TMEM67: variants seen among roughly 807,000 people sequenced by gnomAD.
TMEM67 encodes transmembrane protein 67, also known as meckelin.
Under a neutral mutation model 136.6 loss-of-function variants are expected in TMEM67, and 124 were observed. The observed-to-expected ratio is 0.91, with a 90% CI of 0.78 to 1.05. The LOEUF is 1.05. Ranked by LOEUF, TMEM67 falls within the 50% of genes least tolerant of loss-of-function variation. The pLI, the probability that TMEM67 is intolerant of heterozygous loss-of-function variation, is 0.00. For missense variants in TMEM67, 1,107 were observed against 1,178.4 expected (o/e 0.94, Z 0.89); for synonymous variants, 364 against 390.5 (o/e 0.93, Z 0.80).
chr8:93,781,685 T>C lies in TMEM67; in HGVS notation c.1006T>C (p.Ser336Pro). The C allele has an allele frequency of 6.2e-7, 1 of 1,608,380 alleles. No homozygotes were observed. The highest frequency in any genetic ancestry group is 8.5e-7 in the Non-Finnish European group (1 of 1,176,682). The change falls in exon 10 of 28, where the codon TCC becomes CCC. Residue 336 changes from serine (S) to proline (P), a missense_variant. Physicochemically the swap from Ser to Pro is moderately conservative, Grantham distance 74 (BLOSUM62 -1). This residue lies in a region of TMEM67 where 925 missense variants were observed against 1,002.4 expected (regional missense o/e 0.92). Transcript: ENST00000453321. The part of the protein sequence containing the change: ...QNTKLKFVAA[S>P]YDIRGNFLKW... ...TACAAAACTGAAGTTTGTTGCTGCT[T>C]CCTATGATATAAGAGGAAATTTTCT...
chr8:93,805,495 G>A (rs1815100758), intron 23 of TMEM67, among the ~76,000 whole-genome samples: 2 of 151,932 alleles, frequency 1.3e-5, no homozygotes, highest in African/African-American at 2.4e-5. Context: ...GAGGCAGAAT[G>A]GCATGAACCT....
chr8:93,765,902 A>G (rs1222903176), intron 6 of TMEM67, among the ~76,000 whole-genome samples: 1 of 152,198 alleles, frequency 6.6e-6, no homozygotes, highest in African/African-American at 2.4e-5. Context: ...TGTTCTGTAT[A>G]GGATGCAGTA....
the TMEM67 span, among the ~76,000 whole-genome samples, chr8:93,830,062 C>A: frequency 6.6e-6 from 1 of 152,190 alleles, no homozygotes; most frequent in African/African-American, 2.4e-5. Flanking sequence ...CAAGGAGAAC[C>A]TGGACAGACA....
At chr8:93,765,381 A>T in intron 4 of TMEM67, 25 bp from the exon 5 acceptor site, 1 of 1,586,722 alleles carries the variant, frequency 6.3e-7, no homozygotes, top group Non-Finnish European at 8.6e-7. Flanking sequence ...AACATTTTTA[A>T]AATTATTTTT....
intron 21 of TMEM67, 146 bp downstream of exon 21, chr8:93,799,904 CTTTTTTTTTT>C (rs35554591): frequency 3.2e-4 from 112 of 347,882 alleles, no homozygotes; most frequent in Non-Finnish European, 1.0e-4. Context: ...ATGGTCAGTT[CTTTTTTTTTT>C]TTTTTTTTTT....
chr8:93,809,641 A>G (rs559827999), intron 25 of TMEM67, 144 bp from the exon 26 acceptor site: 30 of 609,670 alleles, frequency 4.9e-5, no homozygotes, highest in African/African-American at 3.2e-4. Flanking sequence ...ATAGGTTTCA[A>G]TGTAGTAACT....
the TMEM67 span, among the ~76,000 whole-genome samples, chr8:93,827,168 A>G: frequency 6.6e-6 from 1 of 152,190 alleles, no homozygotes; most frequent in African/African-American, 2.4e-5. Flanking sequence ...AATCTTGAGA[A>G]GGTGAGCATG....
At position 93,786,404 on chromosome 8, in the gene TMEM67, C is replaced by T. The variant is rs1814104972; in HGVS notation, c.1412+58C>T. 4 of 1,575,854 alleles carry T rather than the reference C, an allele frequency of 2.5e-6. No homozygotes were observed. The East Asian group carries it at 9.0e-5, about 35-fold the overall frequency. ...AAAATATCATAATGGAAGTGTTTGC[C>T]AGTCATTAGTAGATGAAAACAATAA... On this transcript the variant is annotated intron_variant, in intron 13 of 27. Coordinates refer to ENST00000453321, the MANE Select transcript of TMEM67 (RefSeq NM_153704.6).
At chr8:93,815,935 G>C (rs879845261) in intron 27 of TMEM67, among the ~76,000 whole-genome samples, 4 of 152,220 alleles carry the variant, frequency 2.6e-5, no homozygotes, top group Admixed American at 6.5e-5. Flanking sequence ...ATCTGTTCTT[G>C]AAATGGTGTT....
chr8:93,759,956 T>C, intron 3 of TMEM67: 1 of 1,538,366 alleles, frequency 6.5e-7, no homozygotes, highest in African/African-American at 1.4e-5. Flanking sequence ...CCTTGGCATG[T>C]ACTTTAGAAG....
chr8:93,792,962 C>CG (rs1251227044), intron 15 of TMEM67, among the ~76,000 whole-genome samples: 1 of 151,542 alleles, frequency 6.6e-6, no homozygotes, highest in Non-Finnish European at 1.5e-5. Context: ...TTAGTAGAGA[C>CG]GGGTTTCACC....
rs1330012463 is a variant in TMEM67 at position 93,799,542 on chromosome 8, GGTTTTCT to G, written c.2101-69_2101-63del. ...TAGTTTTTCAAGGTGAGTAGGGAGA[GGTTTTCT>G]GTTTTCAGTCTAGAGTAGTTTTCTT... On this transcript the variant is annotated intron_variant, in intron 20 of 27. Transcript: ENST00000453321. The G allele has an allele frequency of 2.6e-4, 374 of 1,455,256 alleles. 1 individual carries two copies. Among genetic ancestry groups the G allele is most frequent in the Non-Finnish European group, 1.5e-5 (16 of 1,048,338 alleles). 90.1% of individuals were successfully genotyped at this position (1,455,256 alleles called of 1,614,324 possible).
rs868404889 is a variant in TMEM67 at position 93,763,911 on chromosome 8, CTT to C, written c.479_480del (p.Phe160TyrfsTer14). The C allele has an allele frequency of 1.9e-6, 3 of 1,613,660 alleles. No homozygotes were observed. The highest frequency in any genetic ancestry group is 4.5e-5 in the East Asian group (2 of 44,840). ...GAGCTCTGTGATGGAAATGAAAACT[CTT>C]TTATGGTAGTAAATGCTTTAGGAGA... is the stretch of plus-strand genomic sequence containing the variant. On this transcript the variant is annotated frameshift_variant, in exon 4 of 28. Coordinates refer to ENST00000453321, the MANE Select transcript of TMEM67 (RefSeq NM_153704.6). LOFTEE classifies it high-confidence loss of function.
chr8:93,777,814 A>G (rs1337663385), intron 7 of TMEM67, among the ~76,000 whole-genome samples: 1 of 152,210 alleles, frequency 6.6e-6, no homozygotes, highest in Non-Finnish European at 1.5e-5. Context: ...TGGTGCTGAG[A>G]AGAATGTATA....
intron 11 of TMEM67, among the ~76,000 whole-genome samples, chr8:93,783,999 C>A (rs746143489): frequency 6.6e-6 from 1 of 152,140 alleles, no homozygotes; most frequent in Non-Finnish European, 1.5e-5. Flanking sequence ...AAAAGTACAT[C>A]TTGATAAAGT....
intron 21 of TMEM67, among the ~76,000 whole-genome samples, chr8:93,801,136 G>A (rs541265102): frequency 6.6e-6 from 1 of 152,260 alleles, no homozygotes; most frequent in Admixed American, 6.5e-5. Context: ...ATCAGCACAT[G>A]AAGATAGGAC....
intron 6 of TMEM67, 131 bp downstream of exon 6, chr8:93,765,777 A>G: frequency 1.4e-6 from 1 of 713,548 alleles, no homozygotes; most frequent in African/African-American, 1.8e-5. Context: ...CAATCTAAGA[A>G]ACATTAGTCT....
At chr8:93,821,899 CAAAAT>C (rs1192900970), downstream of TMEM67, among the ~76,000 whole-genome samples, 1 of 152,012 alleles carries the variant, frequency 6.6e-6, no homozygotes, top group African/African-American at 2.4e-5. Context: ...CTGTCTGTCT[CAAAAT>C]AAGACCCAAA....
chr8:93,771,347 G>A (rs1203317227), intron 6 of TMEM67, among the ~76,000 whole-genome samples: 2 of 151,400 alleles, frequency 1.3e-5, no homozygotes, highest in Admixed American at 6.6e-5. Context: ...TCTTTTCGAA[G>A]TTCAAGTTGT....
Sources: gnomAD v4.1 joint callset for allele counts (sites outside exome capture counted in the v4.1 genomes callset) on GRCh38, gnomAD v4.1.1 for gene constraint, gnomAD v4.1.1 regional missense constraint, MANE v1.5 for transcripts, NCBI Gene and HGNC (gene_info 2026-07-23, HGNC 2026-07-21) for gene names.